The following EEF1G variants were observed in gnomAD, a reference collection of about 807,000 sequenced individuals.
EEF1G encodes elongation factor 1-gamma.
EEF1G carries 14 observed loss-of-function variants against 58.3 expected under a neutral mutation model. The ratio of observed to expected loss-of-function variants is 0.24; its 90% confidence interval spans 0.16 to 0.38. The LOEUF (loss-of-function observed/expected upper bound fraction) is 0.38. Ranked by LOEUF, EEF1G falls within the 10% of genes least tolerant of loss-of-function variation. The pLI is 1.00. For missense variants in EEF1G, 322 were observed against 550.1 expected (o/e 0.59, Z 4.15); for synonymous variants, 180 against 206.8 (o/e 0.87, Z 1.11).
At chr11:62,564,927 C>T (rs1292553216) in intron 7 of EEF1G, among the ~76,000 whole-genome samples, 2 of 151,456 alleles carry the variant, frequency 1.3e-5, no homozygotes, top group Admixed American at 1.3e-4. Flanking sequence ...ATTTGCCAGC[C>T]GTGGTGTCAC....
chr11:62,561,251 C>T (rs1016930280), intron 7 of EEF1G, among the ~76,000 whole-genome samples: 1 of 151,784 alleles, frequency 6.6e-6, no homozygotes, highest in Non-Finnish European at 1.5e-5. Flanking sequence ...ACTAAAAATA[C>T]AAAAATTAGC....
intron 7 of EEF1G, among the ~76,000 whole-genome samples, chr11:62,562,662 G>A (rs1941511346): frequency 6.6e-6 from 1 of 152,054 alleles, no homozygotes; most frequent in Admixed American, 6.6e-5. Flanking sequence ...TGTATTTCTA[G>A]TAGAGACGAG....
chr11:62,561,946 TCCTCAGCATTTCAAA>T (rs1941501719), intron 7 of EEF1G, among the ~76,000 whole-genome samples: 2 of 152,218 alleles, frequency 1.3e-5, no homozygotes, highest in Non-Finnish European at 2.9e-5. Context: ...GTTAAGCAGA[TCCTCAGCATTTCAAA>T]GGAGCCCAAT....
chr11:62,573,574 T>C (rs1941664358), intron 1 of EEF1G: 1 of 589,866 alleles, frequency 1.7e-6, no homozygotes, highest in Non-Finnish European at 3.0e-6. Context: ...GCCGAACCCC[T>C]TTCTCAGGCT....
Position 62,571,024 on chromosome 11 carries a change from C to T in EEF1G, c.463G>A (p.Glu155Lys). ...GTGATGTCAGCCAATGTCACTCGTT[C>T]GCCCACCAGAAAAGTCCTCGTCTTC... ...YLKTRTFLVG[E>K]RVTLADITVV... The change falls in exon 5 of 10, where the codon GAA (glutamate) becomes AAA (lysine). Residue 155 changes from glutamate to lysine, a missense_variant. By Grantham distance (56) the Glu-to-Lys change is moderately conservative. Around this residue, in one of 3 missense-constraint regions of EEF1G, gnomAD observed 52 missense variants for 139.4 expected, o/e 0.37. Coordinates refer to ENST00000329251, the MANE Select transcript of EEF1G (RefSeq NM_001404.5). The T allele has an allele frequency of 1.2e-6, 2 of 1,613,940 alleles. No individual in the cohort carries two copies. Among genetic ancestry groups the T allele is most frequent in the Non-Finnish European group, 1.7e-6 (2 of 1,179,884 alleles).
At position 62,571,881 on chromosome 11, in the gene EEF1G, A is replaced by G; in HGVS notation, c.192T>C (p.Asp64=). The G allele has an allele frequency of 6.3e-7, 1 of 1,584,578 alleles. No homozygotes were observed. Among genetic ancestry groups the G allele is most frequent in the Non-Finnish European group, 8.6e-7 (1 of 1,165,188 alleles). ...PAGKVPAFEG[D]DGFCVFESNA... ...TGCTCTCAAACACACAGAATCCATC[A>G]TCACCCTCAAATGCTGGGACCTGGG... is the stretch of plus-strand genomic sequence containing the variant. The change falls in exon 3 of 10, where the codon GAT becomes GAC. Residue 64 remains aspartate, a synonymous_variant. Coordinates refer to ENST00000329251, the MANE Select transcript of EEF1G (RefSeq NM_001404.5).
intron 1 of EEF1G, 178 bp from the exon 2 acceptor site, chr11:62,572,920 G>A (rs144960018): frequency 6.6e-5 from 35 of 533,094 alleles, no homozygotes; most frequent in Admixed American, 7.3e-5. Flanking sequence ...GAAATACCAA[G>A]AACAGAACTA....
In EEF1G at chr11:62,566,967, C is replaced by A; in HGVS notation, c.696G>T (p.Arg232=). ...TCTCTTCCCGTGAACCCTTCTCTTTCCGTGGTGTGTCCTTTTTAGGTTGGG... is the reference window on the plus strand; with the variant it reads ...TCTCTTCCCGTGAACCCTTCTCTTTACGTGGTGTGTCCTTTTTAGGTTGGG... ...AETQPKKDTP[R]KEKGSREEKQ... The change falls in exon 7 of 10, where the codon CGG becomes CGT. Residue 232 remains arginine (R), a synonymous_variant. Transcript: ENST00000329251. The A allele has an allele frequency of 6.2e-7, 1 of 1,614,018 alleles. No individual in the cohort carries two copies. The highest frequency in any genetic ancestry group is 8.5e-7 in the Non-Finnish European group (1 of 1,179,900).
At chr11:62,570,555 G>A (rs953521326) in intron 5 of EEF1G, among the ~76,000 whole-genome samples, 1 of 152,032 alleles carries the variant, frequency 6.6e-6, no homozygotes, top group Admixed American at 6.6e-5. Context: ...TGGGATTCCT[G>A]GCTGTTTTTT....
chr11:62,560,206 G>T lies in EEF1G; in HGVS notation c.1031-13C>A. 6.2e-7 allele frequency: 1 copy of T among 1,614,048 alleles called. No individual in the cohort carries two copies. The highest frequency in any genetic ancestry group is 1.1e-5 in the South Asian group (1 of 91,084). On this transcript the variant is annotated splice_polypyrimidine_tract_variant and intron_variant, in intron 8 of 9. Transcript: ENST00000329251. ...CGCTGGAACATTCCTGAAGCGGCAA[G>T]GGAGAACATTCAGCCTTTGGAATCA...
intron 5 of EEF1G, 87 bp from the exon 6 acceptor site, chr11:62,567,615 C>T (rs553429944): frequency 7.4e-7 from 1 of 1,359,542 alleles, no homozygotes; most frequent in Non-Finnish European, 9.7e-7. Flanking sequence ...CTACCTAAGT[C>T]CCAGTGCTCA....
chr11:62,559,939 G>A, intron 9 of EEF1G, 102 bp from the exon 10 acceptor site: 1 of 1,606,114 alleles, frequency 6.2e-7, no homozygotes, highest in South Asian at 1.1e-5. Context: ...GGTCTCCTGT[G>A]AACATGAACT....
chr11:62,566,704 G>C (rs1256348871), intron 7 of EEF1G, 102 bp downstream of exon 7: 1 of 1,098,142 alleles, frequency 9.1e-7, no homozygotes, highest in Non-Finnish European at 1.3e-6. Context: ...ACTTTATATG[G>C]ACAACCTAAA....
intron 9 of EEF1G, 91 bp from the exon 10 acceptor site, chr11:62,559,928 A>AG: frequency 1.1e-5 from 18 of 1,607,360 alleles, no homozygotes; most frequent in Non-Finnish European, 1.5e-5. Context: ...ATCAGACCCC[A>AG]GGTCTCCTGT....
At chr11:62,567,857 C>G (rs112964250) in intron 5 of EEF1G, among the ~76,000 whole-genome samples, 6 of 151,814 alleles carry the variant, frequency 4.0e-5, no homozygotes, top group African/African-American at 1.2e-4. Context: ...GTAGCTGGGA[C>G]TACAGGTGCC....
At chr11:62,571,507 G>T (rs370905613) in intron 4 of EEF1G, 33 bp downstream of exon 4, 4 of 1,573,566 alleles carry the variant, frequency 2.5e-6, no homozygotes, top group African/African-American at 1.4e-5. Context: ...TGCCACCCCT[G>T]CCCCTGGCTT....
chr11:62,571,671 C>A lies in EEF1G; in HGVS notation c.247G>T (p.Glu83Ter). 6.3e-7 allele frequency: 1 copy of A among 1,587,016 alleles called. No individual in the cohort carries two copies. The highest frequency in any genetic ancestry group is 2.3e-5 in the East Asian group (1 of 43,362). Residue 83 changes from glutamate to a stop codon, truncating the protein, a stop_gained, in exon 4 of 10, where the codon GAG (glutamate) becomes TAG (stop). Coordinates refer to ENST00000329251, the MANE Select transcript of EEF1G (RefSeq NM_001404.5). LOFTEE classifies it high-confidence loss of function. ...NAIAYYVSNE[E>*]LRGSTPEAAA... ...GCCTCTGGAGTACTTCCCCGCAGCT[C>A]CTCATTGCTCACTGCAGAGGCAGAA... is the stretch of plus-strand genomic sequence containing the variant.
rs772567669 is a variant in EEF1G, at chr11:62,572,749, G to A, written c.13-7C>T. On this transcript the variant is annotated splice_region_variant and splice_polypyrimidine_tract_variant and intron_variant, in intron 1 of 9. Coordinates refer to ENST00000329251, the MANE Select transcript of EEF1G (RefSeq NM_001404.5). ...CAGGATACGTGTACAGGGTCTATGG[G>A]AGAAAGAGAGGGACAAAATTAATGA... is the stretch of plus-strand genomic sequence containing the variant. 56 of 1,603,502 alleles carry A rather than the reference G, an allele frequency of 3.5e-5. No individual in the cohort carries two copies. The highest frequency in any genetic ancestry group is 1.7e-4 in the Middle Eastern group (1 of 5,896).
Position 62,572,712 on chromosome 11 carries a change from C to T in EEF1G, c.43G>A (p.Ala15Thr). ...TGAGCAGCGATGAGAGCCTTGAAGG[C>T]CCTCCAGTTTTCAGGATACGTGTAC... ...TLYTYPENWR[A>T]FKALIAAQYS... The change falls in exon 2 of 10, where the codon GCC becomes ACC. Residue 15 changes from alanine (A) to threonine (T), a missense_variant. Physicochemically the swap from Ala to Thr is moderately conservative, Grantham distance 58. Coordinates refer to ENST00000329251, the MANE Select transcript of EEF1G (RefSeq NM_001404.5). 1 of 1,613,516 alleles carries T rather than the reference C, an allele frequency of 6.2e-7. No individual in the cohort carries two copies. The highest frequency in any genetic ancestry group is 8.5e-7 in the Non-Finnish European group (1 of 1,179,748).
Sources: allele counts gnomAD v4.1 joint callset (sites outside exome capture counted in the v4.1 genomes callset), GRCh38; gene constraint gnomAD v4.1.1; regional missense constraint gnomAD v4.1.1; transcripts MANE v1.5; gene names NCBI Gene and HGNC (gene_info 2026-07-23, HGNC 2026-07-21).